The following LRP1B variants were observed in gnomAD, a reference collection of about 807,000 sequenced individuals.
LRP1B encodes the protein LDL receptor related protein 1B.
A neutral mutation model predicts 556.6 loss-of-function variants in LRP1B; 217 were observed. That is an observed-to-expected ratio of 0.39 (90% CI 0.35 to 0.44). The LOEUF (loss-of-function observed/expected upper bound fraction) is 0.44, where lower values mean the gene tolerates loss of function less well. LRP1B is among the 20% of genes least tolerant of loss of function. The pLI, the probability that LRP1B is intolerant of heterozygous loss-of-function variation, is 1.00. For synonymous variants in LRP1B, 2,047 were observed against 1,865.8 expected (o/e 1.10, Z -2.50); for missense variants, 5,053 against 5,620.8 (o/e 0.90, Z 3.23).
chr2:140,311,867 CT>C (rs1472333527), intron 83 of LRP1B, among the ~76,000 whole-genome samples: 49 of 151,970 alleles, frequency 3.2e-4, no homozygotes, highest in African/African-American at 1.1e-3. Flanking sequence ...AGTTAGGTGA[CT>C]GTGGATTTTA....
chr2:141,674,419 C>G (rs775107570), intron 2 of LRP1B, among the ~76,000 whole-genome samples: 2 of 151,954 alleles, frequency 1.3e-5, no homozygotes, highest in Non-Finnish European at 2.9e-5. Context: ...TTCTTAAGAC[C>G]AATTTATTTG....
chr2:141,832,844 T>A (rs1697155589), intron 1 of LRP1B, among the ~76,000 whole-genome samples: 1 of 151,908 alleles, frequency 6.6e-6, no homozygotes, highest in African/African-American at 2.4e-5. Flanking sequence ...ACTCTATTTG[T>A]TTCACAAAAT....
rs891201838 is a variant in LRP1B, at chr2:140,920,183, C to T, written c.3319+2782G>A. Among the ~76,000 whole-genome samples the T allele has an allele frequency of 3.3e-5, 5 of 151,994 alleles. No homozygotes were observed. In the East Asian group the frequency reaches 9.7e-4, roughly 29 times the overall value. On this transcript the variant is annotated intron_variant, in intron 21 of 90. Transcript: ENST00000389484. ...TCCCTTTTCCCCACTTATAATACAA[C>T]TGCTATTTGTTAGTCTGGAGTGTAA...
At chr2:142,052,470 G>A (rs892315663) in intron 1 of LRP1B, among the ~76,000 whole-genome samples, 1 of 152,028 alleles carries the variant, frequency 6.6e-6, no homozygotes, top group Non-Finnish European at 1.5e-5. Context: ...GATTCTCTGC[G>A]TGCATCCCAG....
chr2:141,386,923 A>G (rs1689853831), intron 3 of LRP1B, among the ~76,000 whole-genome samples: 1 of 152,064 alleles, frequency 6.6e-6, no homozygotes, highest in African/African-American at 2.4e-5. Flanking sequence ...GTGCACAAGG[A>G]ACATTCTCCA....
intron 84 of LRP1B, among the ~76,000 whole-genome samples, chr2:140,276,400 T>C (rs1049935553): frequency 2.6e-5 from 4 of 151,990 alleles, no homozygotes; most frequent in Admixed American, 2.0e-4. Context: ...TTAAGACATA[T>C]AGCACTTTCA....
At chr2:141,748,313 G>C (rs1693984165) in intron 2 of LRP1B, among the ~76,000 whole-genome samples, 3 of 152,120 alleles carry the variant, frequency 2.0e-5, no homozygotes, top group Admixed American at 2.0e-4. Flanking sequence ...AAAAGGCCTA[G>C]ATTAATGACT....
At chr2:141,980,975 G>A (rs1251947443) in intron 1 of LRP1B, among the ~76,000 whole-genome samples, 1 of 151,920 alleles carries the variant, frequency 6.6e-6, no homozygotes, top group South Asian at 2.1e-4. Flanking sequence ...AATTTATGCA[G>A]GCAAATATTC....
At chr2:140,892,104 A>G (rs1489985361) in intron 23 of LRP1B, among the ~76,000 whole-genome samples, 1 of 152,168 alleles carries the variant, frequency 6.6e-6, no homozygotes, top group Admixed American at 6.6e-5. Flanking sequence ...TTTAAGAAAT[A>G]TTTTTGATTG....
chr2:141,386,798 T>C (rs1463496157), intron 3 of LRP1B, among the ~76,000 whole-genome samples: 3 of 151,966 alleles, frequency 2.0e-5, no homozygotes, highest in Non-Finnish European at 2.9e-5. Flanking sequence ...CTACTTTCAA[T>C]AATAATTAGT....
intron 27 of LRP1B, 124 bp from the exon 28 acceptor site, chr2:140,851,907 AG>A (rs979982588): frequency 1.0e-5 from 7 of 680,210 alleles, no homozygotes; most frequent in Non-Finnish European, 1.7e-5. Flanking sequence ...ACCCATTAGT[AG>A]GGTGATTAAT....
chr2:140,635,298 A>C (rs1684032978), intron 41 of LRP1B, among the ~76,000 whole-genome samples: 1 of 152,072 alleles, frequency 6.6e-6, no homozygotes, highest in Non-Finnish European at 1.5e-5. Context: ...TATGATAAAC[A>C]CACAAGATGC....
intron 3 of LRP1B, among the ~76,000 whole-genome samples, chr2:141,456,990 A>G (rs1043491657): frequency 3.3e-5 from 5 of 152,208 alleles, no homozygotes; most frequent in Admixed American, 2.0e-4. Context: ...TATTAGTAAG[A>G]TGGCTTTTCT....
rs370619743 is a variant in LRP1B, at chr2:140,342,492, A to T, written c.11893-6654T>A. On this transcript the variant is annotated intron_variant, in intron 77 of 90. Coordinates refer to ENST00000389484, the MANE Select transcript of LRP1B (RefSeq NM_018557.3). ...ATTCTAATGTGTTTATTCTTATAAT[A>T]TTCCAAAACAATTTTAGAAATAAAA... is the stretch of plus-strand genomic sequence containing the variant. Among the ~76,000 whole-genome samples the T allele has an allele frequency of 9.9e-5, 15 of 151,714 alleles. 1 individual carries two copies. The East Asian group carries it at 2.3e-3, about 24-fold the overall frequency.
At chr2:141,391,959 T>C (rs1690064307) in intron 3 of LRP1B, among the ~76,000 whole-genome samples, 1 of 152,102 alleles carries the variant, frequency 6.6e-6, no homozygotes, top group Non-Finnish European at 1.5e-5. Flanking sequence ...AAAAATACCC[T>C]CTCAGGTTTA....
chr2:141,743,494 T>G (rs1574310377), intron 2 of LRP1B, among the ~76,000 whole-genome samples: 2 of 39,698 alleles, frequency 5.0e-5, no homozygotes, highest in South Asian at 1.6e-3. Context: ...TTCTTTTTTT[T>G]TTTTTTCTTT....
chr2:141,827,553 A>G (rs1190533686), intron 1 of LRP1B, among the ~76,000 whole-genome samples: 1 of 152,108 alleles, frequency 6.6e-6, no homozygotes, highest in East Asian at 1.9e-4. Flanking sequence ...GAATCCAGAG[A>G]GTTGACATCA....
rs2105097755 is a variant in LRP1B, at chr2:140,840,994, G to A, written c.5038C>T (p.Leu1680=). The A allele has an allele frequency of 2.5e-6, 4 of 1,613,436 alleles. No homozygotes were observed. Among genetic ancestry groups the A allele is most frequent in the Non-Finnish European group, 3.4e-6 (4 of 1,179,698 alleles). ...FDETQINVAR[L]DGSLKTSIIH... ...ATTGAGGTTTTCAAAGAGCCATCTAGCCTTGCCACATTAATTTGCGTTTCA... is the reference window on the plus strand; with the variant it reads ...ATTGAGGTTTTCAAAGAGCCATCTAACCTTGCCACATTAATTTGCGTTTCA... Residue 1680 remains leucine, a synonymous_variant, in exon 30 of 91, where the codon CTA becomes TTA. Transcript: ENST00000389484.
chr2:141,904,910 C>T (rs1304953436), intron 1 of LRP1B, among the ~76,000 whole-genome samples: 1 of 151,922 alleles, frequency 6.6e-6, no homozygotes, highest in Admixed American at 6.6e-5. Flanking sequence ...ACCTGACCAC[C>T]TACTTGGGTA....
Sources: allele counts gnomAD v4.1 joint callset (sites outside exome capture counted in the v4.1 genomes callset), GRCh38; gene constraint gnomAD v4.1.1; transcripts MANE v1.5; gene names NCBI Gene and HGNC (gene_info 2026-07-23, HGNC 2026-07-21).